Variants in RIN2 observed in about 807,000 individuals in gnomAD.
RIN2 encodes the protein Ras and Rab interactor 2.
A neutral mutation model predicts 78.0 loss-of-function variants in RIN2; 36 were observed. The ratio of observed to expected loss-of-function variants is 0.46; its 90% CI spans 0.35 to 0.61. The LOEUF (loss-of-function observed/expected upper bound fraction) is 0.61. RIN2 is among the 20% of genes least tolerant of loss of function. RIN2 has a pLI of 0.00. For synonymous variants in RIN2, 466 were observed against 466.8 expected, an observed-to-expected ratio of 1.00 and a Z score of 0.02; for missense variants, 1,087 against 1,159.7, an observed-to-expected ratio of 0.94 and a Z score of 0.91.
intron 2 of RIN2, among the ~76,000 whole-genome samples, chr20:19,879,415 T>G (rs188434772): frequency 6.6e-6 from 1 of 152,350 alleles, no homozygotes; most frequent in East Asian, 1.9e-4. Context: ...ACATTTACTA[T>G]GTTTAGAAGG....
At chr20:19,895,061 T>C (rs1447465016) in intron 3 of RIN2, among the ~76,000 whole-genome samples, 1 of 151,794 alleles carries the variant, frequency 6.6e-6, no homozygotes, top group African/African-American at 2.4e-5. Context: ...CCCTTACCCC[T>C]CCCCACCATC....
intron 9 of RIN2, among the ~76,000 whole-genome samples, chr20:19,982,407 A>T (rs1164809621): frequency 6.6e-6 from 1 of 152,132 alleles, no homozygotes; most frequent in Non-Finnish European, 1.5e-5. Context: ...GTAATAGAGG[A>T]TTAGCAAAAT....
chr20:19,854,711 G>C (rs1430603946), intron 2 of RIN2, among the ~76,000 whole-genome samples: 4 of 152,166 alleles, frequency 2.6e-5, no homozygotes, highest in African/African-American at 9.7e-5. Flanking sequence ...GAATGCTTGT[G>C]ATTTTTGCAC....
chr20:19,944,368 T>G (rs2041000697), intron 4 of RIN2, among the ~76,000 whole-genome samples: 1 of 152,164 alleles, frequency 6.6e-6, no homozygotes, highest in African/African-American at 2.4e-5. Context: ...TGGCTGCAGC[T>G]TGGCATTTGA....
intron 2 of RIN2, among the ~76,000 whole-genome samples, chr20:19,852,962 C>T (rs1246628144): frequency 6.6e-6 from 1 of 151,562 alleles, no homozygotes; most frequent in African/African-American, 2.4e-5. Flanking sequence ...TATACATGTG[C>T]CATGTTGGTG....
intron 2 of RIN2, among the ~76,000 whole-genome samples, chr20:19,842,294 C>T (rs2036602397): frequency 1.3e-5 from 2 of 151,094 alleles, no homozygotes; most frequent in African/African-American, 4.9e-5. Flanking sequence ...GCGATCTTGG[C>T]TCACTGCAAC....
At chr20:19,878,134 C>T (rs1841263771) in intron 2 of RIN2, among the ~76,000 whole-genome samples, 1 of 152,230 alleles carries the variant, frequency 6.6e-6, no homozygotes, top group African/African-American at 2.4e-5. Context: ...CTATCCTAGC[C>T]TCACCCCTCC....
intron 2 of RIN2, among the ~76,000 whole-genome samples, chr20:19,815,096 C>A (rs1460482075): frequency 1.3e-5 from 2 of 152,120 alleles, no homozygotes; most frequent in Admixed American, 6.5e-5. Flanking sequence ...GCAGTATTTC[C>A]AGCAGGTTTC....
rs1445535742 is a variant in RIN2 at position 19,907,742 on chromosome 20, C to G, written c.57+18084C>G. On this transcript the variant is annotated intron_variant, in intron 3 of 12. Transcript: ENST00000255006. ...CTCACCTTTTCAAACGTAGTAAAAG[C>G]CAATATTCCCTTTAATGCATCAAAG... is the stretch of plus-strand genomic sequence containing the variant. Among the ~76,000 whole-genome samples, 5 of 152,180 alleles carry G rather than the reference C, an allele frequency of 3.3e-5. No homozygotes were observed. The South Asian group carries it at 1.0e-3, about 32-fold the overall frequency.
At chr20:19,790,757 C>T (rs887631739) in intron 1 of RIN2, among the ~76,000 whole-genome samples, 3 of 152,162 alleles carry the variant, frequency 2.0e-5, no homozygotes, top group African/African-American at 7.2e-5. Context: ...TTAGTTCAAG[C>T]CCATATTCCT....
At chr20:19,971,183 T>C (rs989226343) in intron 8 of RIN2, among the ~76,000 whole-genome samples, 10 of 124,308 alleles carry the variant, frequency 8.0e-5, no homozygotes, top group Admixed American at 2.9e-4. Flanking sequence ...CTCGCGTGCA[T>C]GATTTTTTTT....
chr20:19,973,421 C>T (rs1367146061), intron 8 of RIN2, among the ~76,000 whole-genome samples: 2 of 152,202 alleles, frequency 1.3e-5, no homozygotes, highest in African/African-American at 4.8e-5. Flanking sequence ...GGCTTCATCT[C>T]AGTCCTCCCA....
At chr20:19,760,150 T>C (rs1458547771) in intron 1 of RIN2, among the ~76,000 whole-genome samples, 1 of 152,198 alleles carries the variant, frequency 6.6e-6, no homozygotes. Context: ...ACTCATGCAC[T>C]CCCGTGCTTT....
chr20:19,878,060 G>A (rs2037912144), intron 2 of RIN2, among the ~76,000 whole-genome samples: 3 of 152,168 alleles, frequency 2.0e-5, no homozygotes, highest in Non-Finnish European at 4.4e-5. Context: ...ATTCTGTTGT[G>A]AGCCCTAAGA....
Position 19,812,061 on chromosome 20 carries a change from C to CTTTTTT in RIN2, c.-37+12318_-37+12323dup, listed in dbSNP as rs10678963. ...TTGTAGCAGGTATCAATAGCTTGTT[C>CTTTTTT]TTTTTTTTTACCACTGAATAGTATT... On this transcript the variant is annotated intron_variant, in intron 2 of 12. Transcript: ENST00000255006. Among the ~76,000 whole-genome samples the CTTTTTT allele has an allele frequency of 2.1e-3, 310 of 151,066 alleles. 1 individual carries two copies. Among genetic ancestry groups the CTTTTTT allele is most frequent in the South Asian group, 7.6e-3 (36 of 4,758 alleles).
intron 2 of RIN2, among the ~76,000 whole-genome samples, chr20:19,841,006 T>A (rs188041706): frequency 1.3e-5 from 2 of 152,164 alleles, no homozygotes; most frequent in African/African-American, 2.4e-5. Context: ...CCAAAAGTTA[T>A]CTGTTCTTTA....
chr20:19,977,859 G>T (rs1448067665), intron 9 of RIN2, among the ~76,000 whole-genome samples: 1 of 152,014 alleles, frequency 6.6e-6, no homozygotes, highest in Non-Finnish European at 1.5e-5. Context: ...GTTTGGTTTG[G>T]TTTTTTTAAA....
intron 4 of RIN2, among the ~76,000 whole-genome samples, chr20:19,939,807 G>T (rs2040790582): frequency 6.6e-6 from 1 of 150,800 alleles, no homozygotes; most frequent in South Asian, 2.1e-4. Flanking sequence ...CATAGAACTT[G>T]TACACACAGG....
intron 3 of RIN2, among the ~76,000 whole-genome samples, chr20:19,931,063 A>G (rs1418817506): frequency 6.6e-6 from 1 of 152,096 alleles, no homozygotes; most frequent in Admixed American, 6.5e-5. Context: ...AGCCTGCACA[A>G]CATGGTGAGA....
Sources: gnomAD v4.1 joint callset for allele counts (sites outside exome capture counted in the v4.1 genomes callset) on GRCh38, gnomAD v4.1.1 for gene constraint, MANE v1.5 for transcripts, NCBI Gene and HGNC (gene_info 2026-07-23, HGNC 2026-07-21) for gene names.